The following DMRT1 variants were observed in gnomAD, a reference collection of about 807,000 sequenced individuals.
DMRT1 encodes the protein doublesex and mab-3 related transcription factor 1.
Under a neutral mutation model 32.3 loss-of-function variants are expected in DMRT1, and 7 were observed. The ratio of observed to expected loss-of-function variants is 0.22; its 90% confidence interval spans 0.12 to 0.41. DMRT1 has a LOEUF of 0.41. Ranked by LOEUF, DMRT1 falls within the 10% of genes least tolerant of loss-of-function variation. The pLI is 1.00. For synonymous variants in DMRT1, 278 were observed against 206.1 expected (o/e 1.35, Z -2.99); for missense variants, 625 against 500.5 (o/e 1.25, Z -2.37).
chr9:949,173 G>A (rs1442489804), intron 4 of DMRT1, among the ~76,000 whole-genome samples: 1 of 152,064 alleles, frequency 6.6e-6, no homozygotes, highest in Admixed American at 6.6e-5. Context: ...AGGAGTTTAA[G>A]ATCAGCCTGG....
intron 2 of DMRT1, among the ~76,000 whole-genome samples, chr9:882,762 T>C (rs1489790126): frequency 1.4e-5 from 2 of 139,928 alleles, no homozygotes; most frequent in Non-Finnish European, 1.5e-5. Context: ...CCCTGAATCT[T>C]TTTTTTTTTT....
intron 2 of DMRT1, among the ~76,000 whole-genome samples, chr9:861,398 T>C (rs574106865): frequency 1.9e-4 from 29 of 151,948 alleles, no homozygotes; most frequent in Non-Finnish European, 3.2e-4. Flanking sequence ...GGTTATAGAT[T>C]AACAGCATCC....
chr9:869,878 TAA>T (rs1439800856), intron 2 of DMRT1, among the ~76,000 whole-genome samples: 4 of 152,228 alleles, frequency 2.6e-5, no homozygotes, highest in Non-Finnish European at 5.9e-5. Context: ...TGGCTTGTAA[TAA>T]AGTCCTGTGT....
intron 2 of DMRT1, among the ~76,000 whole-genome samples, chr9:848,685 C>T (rs10977040): frequency 0.7 from 103,175 of 148,186 alleles, 36,773 homozygotes; most frequent in Non-Finnish European, 0.77. Flanking sequence ...TCCTGAGTAG[C>T]TAGGACTACA....
intron 2 of DMRT1, among the ~76,000 whole-genome samples, chr9:848,018 C>T (rs190663000): frequency 6.6e-6 from 1 of 152,294 alleles, no homozygotes; most frequent in East Asian, 1.9e-4. Flanking sequence ...AGACATCCAC[C>T]AAATAAAGAC....
intron 3 of DMRT1, among the ~76,000 whole-genome samples, chr9:909,956 C>T (rs1261860177): frequency 6.6e-6 from 1 of 152,174 alleles, no homozygotes; most frequent in East Asian, 1.9e-4. Context: ...TCAAATAATC[C>T]TTCCTCCTCA....
At chr9:914,573 CAAAAA>C (rs34584256) in intron 3 of DMRT1, among the ~76,000 whole-genome samples, 5 of 66,166 alleles carry the variant, frequency 7.6e-5, no homozygotes, top group African/African-American at 2.4e-4. Context: ...GACTCTGTCT[CAAAAA>C]AAAAAAAAAA....
intron 4 of DMRT1, among the ~76,000 whole-genome samples, chr9:918,050 T>G (rs1818238856): frequency 6.6e-6 from 1 of 152,260 alleles, no homozygotes; most frequent in Admixed American, 6.5e-5. Context: ...TCTATATATT[T>G]ATTTGGCTTA....
chr9:878,208 C>CCCG (rs1554749505), intron 2 of DMRT1, among the ~76,000 whole-genome samples: 3 of 124,788 alleles, frequency 2.4e-5, no homozygotes, highest in African/African-American at 6.1e-5. Context: ...CTGCCCCCCC[C>CCCG]CCACCCAATA....
At chr9:902,067 G>A (rs537921407) in intron 3 of DMRT1, among the ~76,000 whole-genome samples, 6 of 150,808 alleles carry the variant, frequency 4.0e-5, no homozygotes, top group South Asian at 2.1e-4. Flanking sequence ...GCACCACCAC[G>A]CCCAGCTAAT....
chr9:894,141 C>A lies in DMRT1; in HGVS notation c.768C>A (p.Ser256Arg). 6.2e-7 allele frequency: 1 copy of A among 1,614,142 alleles called. No homozygotes were observed. Among genetic ancestry groups the A allele is most frequent in the Non-Finnish European group, 8.5e-7 (1 of 1,180,046 alleles). The part of the protein sequence containing the change: ...NPLGGSPVKN[S>R]LRGLPGPYVP... ...TCGGGGGATCCCCTGTGAAGAACAG[C>A]CTTCGGGGCCTCCCCGGACCTTATG... is the stretch of plus-strand genomic sequence containing the variant. Residue 256 changes from serine (S) to arginine (R), a missense_variant, in exon 3 of 5, where the codon AGC becomes AGA. Transcript: ENST00000382276.
At chr9:878,526 A>T (rs560886528) in intron 2 of DMRT1, among the ~76,000 whole-genome samples, 1 of 152,246 alleles carries the variant, frequency 6.6e-6, no homozygotes, top group African/African-American at 2.4e-5. Context: ...AGGGAGTAAT[A>T]TCACACCAAA....
intron 4 of DMRT1, among the ~76,000 whole-genome samples, chr9:946,784 T>G (rs565643452): frequency 6.6e-6 from 1 of 152,172 alleles, no homozygotes; most frequent in East Asian, 1.9e-4. Context: ...CTGAAAAATG[T>G]GCTGCCTCCT....
chr9:938,473 A>G (rs78511937), intron 4 of DMRT1, among the ~76,000 whole-genome samples: 7,376 of 152,172 alleles, frequency 0.048, 219 homozygotes, highest in South Asian at 0.14. Context: ...TAATAGTTTT[A>G]TCTGTGCCTG....
At chr9:928,501 T>C (rs1268991278) in intron 4 of DMRT1, among the ~76,000 whole-genome samples, 1 of 152,184 alleles carries the variant, frequency 6.6e-6, no homozygotes, top group Non-Finnish European at 1.5e-5. Context: ...TTACTAGAGA[T>C]GATTAACTCG....
intron 2 of DMRT1, among the ~76,000 whole-genome samples, chr9:893,708 C>G (rs1331246167): frequency 2.0e-5 from 3 of 152,222 alleles, no homozygotes; most frequent in African/African-American, 7.2e-5. Context: ...AAACAATCAG[C>G]TGAGTCTTTC....
intron 2 of DMRT1, among the ~76,000 whole-genome samples, chr9:850,243 G>A (rs4742482): frequency 0.68 from 102,912 of 152,054 alleles, 36,110 homozygotes; most frequent in Middle Eastern, 0.77. Flanking sequence ...GAGTTAGGAT[G>A]TGAGCAAGAG....
At chr9:858,989 C>G (rs1262033512) in intron 2 of DMRT1, among the ~76,000 whole-genome samples, 2 of 151,886 alleles carry the variant, frequency 1.3e-5, no homozygotes, top group African/African-American at 2.4e-5. Flanking sequence ...TCCAGAACTT[C>G]CCAGACAGAA....
rs116049303 is a variant in DMRT1 at position 930,976 on chromosome 9, C to A, written c.967+14069C>A. Among the ~76,000 whole-genome samples, 400 of 152,308 alleles carry A rather than the reference C, an allele frequency of 2.6e-3. 3 individuals carry two copies. The highest frequency in any genetic ancestry group is 8.9e-3 in the African/African-American group (369 of 41,566). ...CCATCACTGCTATCTAATTCCAAAACATTTCCATCATCCCCAAAACAATCC... is the reference window on the plus strand; with the variant it reads ...CCATCACTGCTATCTAATTCCAAAAAATTTCCATCATCCCCAAAACAATCC... On this transcript the variant is annotated intron_variant, in intron 4 of 4. Transcript: ENST00000382276.
Sources: gnomAD v4.1 joint callset for allele counts (sites outside exome capture counted in the v4.1 genomes callset) on GRCh38, gnomAD v4.1.1 for gene constraint, MANE v1.5 for transcripts, NCBI Gene and HGNC (gene_info 2026-07-23, HGNC 2026-07-21) for gene names.